AVEN: variants seen among roughly 807,000 people sequenced by gnomAD.
AVEN encodes apoptosis and caspase activation inhibitor, also known as cell death regulator Aven.
A neutral mutation model predicts 38.1 loss-of-function variants in AVEN; 41 were observed. The observed-to-expected ratio is 1.08, with a 90% CI of 0.84 to 1.40. The LOEUF (loss-of-function observed/expected upper bound fraction) is 1.40. Among genes scored for constraint, AVEN ranks in the 40% most tolerant of loss-of-function variants. The pLI is 0.00. For synonymous variants in AVEN, 206 were observed against 171.8 expected (o/e 1.20, Z -1.56); for missense variants, 605 against 438.8 (o/e 1.38, Z -3.38).
At chr15:34,038,668 C>G (rs1354042519) in intron 1 of AVEN, 112 bp downstream of exon 1, 43 of 925,774 alleles carry the variant, frequency 4.6e-5, no homozygotes, top group Non-Finnish European at 5.5e-5. Context: ...GCCGGCGCCG[C>G]CGCCCGTCTG....
chr15:34,070,491 G>A (rs368986666), intron 2 of AVEN, among the ~76,000 whole-genome samples: 7 of 150,822 alleles, frequency 4.6e-5, no homozygotes, highest in South Asian at 2.1e-4. Context: ...ACTTTCTACC[G>A]AGAAAAATAA....
chr15:33,921,456 G>A (rs1893391641), intron 2 of AVEN, among the ~76,000 whole-genome samples: 2 of 152,080 alleles, frequency 1.3e-5, no homozygotes, highest in South Asian at 4.1e-4. Context: ...TGCATTCCTG[G>A]AAGAAGGAAC....
rs557193491 is a variant in AVEN at position 33,880,587 on chromosome 15, C to T, written c.446-4592G>A. On this transcript the variant is annotated intron_variant, in intron 2 of 5. Transcript: ENST00000306730. ...GTCCAGCTGTGAGTGAGCTCAATCTCTGATTCTGCCTACAAGCAAAAGTAA... is the reference window on the plus strand; with the variant it reads ...GTCCAGCTGTGAGTGAGCTCAATCTTTGATTCTGCCTACAAGCAAAAGTAA... 4.6e-5 allele frequency among the ~76,000 whole-genome samples: 7 copies of T among 152,160 alleles called. No homozygotes were observed. The South Asian group carries it at 1.4e-3, about 32-fold the overall frequency.
chr15:33,927,165 A>G (rs1597239220), intron 2 of AVEN, among the ~76,000 whole-genome samples: 1 of 151,886 alleles, frequency 6.6e-6, no homozygotes, highest in South Asian at 2.1e-4. Context: ...TGAGGCAGGA[A>G]AATGGCTTGA....
At chr15:33,867,120 A>G (rs80043136) in intron 5 of AVEN, among the ~76,000 whole-genome samples, 2,178 of 152,336 alleles carry the variant, frequency 0.014, 27 homozygotes, top group South Asian at 0.042. Context: ...TTTTGTCAAA[A>G]TATAAGACAG....
rs140263744 is a variant in AVEN at position 34,060,105 on chromosome 15, G to C, written n.1637+2817C>G. 3.0e-3 allele frequency among the ~76,000 whole-genome samples: 451 copies of C among 152,330 alleles called. 1 individual carries two copies. The highest frequency in any genetic ancestry group is 8.1e-3 in the East Asian group (42 of 5,182). ...GATGGCATTTGCCTAGAGATTTGTAGAGTGTAGAGTAACTGGTCTTTTCAG... is the reference window on the plus strand; with the variant it reads ...GATGGCATTTGCCTAGAGATTTGTACAGTGTAGAGTAACTGGTCTTTTCAG... On this transcript the variant is annotated intron_variant and non_coding_transcript_variant, in intron 5 of 11. Transcript: ENST00000675287.
downstream of AVEN, among the ~76,000 whole-genome samples, chr15:33,855,494 G>A (rs536261178): frequency 2.0e-5 from 3 of 152,288 alleles, no homozygotes; most frequent in South Asian, 2.1e-4. Context: ...GTGAGCCATC[G>A]TGCCCGGCCG....
chr15:33,897,960 G>A (rs550451992), intron 2 of AVEN, among the ~76,000 whole-genome samples: 1 of 152,228 alleles, frequency 6.6e-6, no homozygotes, highest in African/African-American at 2.4e-5. Context: ...GAGGTCGAAG[G>A]GGGCGGATCA....
chr15:33,971,127 G>A (rs1426310588), intron 2 of AVEN, among the ~76,000 whole-genome samples: 3 of 152,028 alleles, frequency 2.0e-5, no homozygotes, highest in African/African-American at 7.2e-5. Context: ...ACAAATGGAT[G>A]AGGGATTTTA....
chr15:33,980,189 G>C (rs1314508456), intron 2 of AVEN, among the ~76,000 whole-genome samples: 1 of 152,196 alleles, frequency 6.6e-6, no homozygotes, highest in Non-Finnish European at 1.5e-5. Flanking sequence ...ACACATTAAA[G>C]TATGTAAGTA....
chr15:33,986,957 C>G (rs1356633269), intron 2 of AVEN, among the ~76,000 whole-genome samples: 1 of 152,062 alleles, frequency 6.6e-6, no homozygotes, highest in Non-Finnish European at 1.5e-5. Context: ...GCGCCCAGCC[C>G]AGGTTCTTTT....
chr15:34,013,528 A>G (rs1897728996), intron 1 of AVEN, among the ~76,000 whole-genome samples: 1 of 152,200 alleles, frequency 6.6e-6, no homozygotes, highest in South Asian at 2.1e-4. Flanking sequence ...CTAAATTGCC[A>G]ATATTCATTT....
At chr15:33,987,584 T>C (rs944435251) in intron 2 of AVEN, among the ~76,000 whole-genome samples, 10 of 152,146 alleles carry the variant, frequency 6.6e-5, no homozygotes, top group South Asian at 2.1e-4. Context: ...ATGGTTTTTT[T>C]CTCCAACCAT....
chr15:34,064,040 C>T (rs1437453543), intron 4 of AVEN: 1 of 1,614,140 alleles, frequency 6.2e-7, no homozygotes, highest in Non-Finnish European at 8.5e-7. Context: ...GGAAAGCAGC[C>T]CAGACACTGA....
chr15:34,029,250 A>C (rs1898647683), intron 1 of AVEN, among the ~76,000 whole-genome samples: 1 of 152,192 alleles, frequency 6.6e-6, no homozygotes, highest in Non-Finnish European at 1.5e-5. Context: ...TCCATATTGT[A>C]AAAATGAAAA....
intron 2 of AVEN, among the ~76,000 whole-genome samples, chr15:33,929,789 A>G (rs370082290): frequency 6.6e-6 from 1 of 152,330 alleles, no homozygotes; most frequent in South Asian, 2.1e-4. Context: ...ATAAATGGGA[A>G]ACACAGTGTC....
At chr15:33,892,275 G>C (rs1170436401) in intron 2 of AVEN, among the ~76,000 whole-genome samples, 1 of 152,160 alleles carries the variant, frequency 6.6e-6, no homozygotes, top group African/African-American at 2.4e-5. Flanking sequence ...CATTGCTTTT[G>C]GCATTTTAGC....
intron 2 of AVEN, among the ~76,000 whole-genome samples, chr15:33,980,122 A>C (rs1896069509): frequency 6.6e-6 from 1 of 152,234 alleles, no homozygotes; most frequent in Non-Finnish European, 1.5e-5. Context: ...AGTATGACTC[A>C]GAGCAACTAG....
At chr15:34,056,680 AAT>A (rs1900164896) in intron 5 of AVEN, among the ~76,000 whole-genome samples, 1 of 152,122 alleles carries the variant, frequency 6.6e-6, no homozygotes, top group Admixed American at 6.6e-5. Flanking sequence ...GTTCTGCTTG[AAT>A]GATTGGGAGC....
Sources: allele counts gnomAD v4.1 joint callset (sites outside exome capture counted in the v4.1 genomes callset), GRCh38; gene constraint gnomAD v4.1.1; transcripts MANE v1.5; gene names NCBI Gene and HGNC (gene_info 2026-07-23, HGNC 2026-07-21).